Variants in NEURL1 observed in about 807,000 individuals in gnomAD.
The protein encoded by NEURL1 is neuralized E3 ubiquitin protein ligase 1, also known as E3 ubiquitin-protein ligase NEURL1.
NEURL1 carries 26 observed loss-of-function variants against 41.2 expected under a neutral mutation model. The observed-to-expected ratio is 0.63, with a 90% confidence interval of 0.46 to 0.87. NEURL1 has a LOEUF of 0.87. Ranked by LOEUF, NEURL1 falls within the 40% of genes least tolerant of loss-of-function variation. The pLI is 0.00. For missense variants in NEURL1, 761 were observed against 871.1 expected, an observed-to-expected ratio of 0.87 and a Z score of 1.59; for synonymous variants, 400 against 402.3, an observed-to-expected ratio of 0.99 and a Z score of 0.07.
At position 103,591,824 on chromosome 10, in the gene NEURL1, C is replaced by G. The variant is rs1417701797; in HGVS notation, c.*1452C>G. On this transcript the variant is annotated 3_prime_UTR_variant, in exon 6 of 6. Coordinates refer to ENST00000369780, the MANE Select transcript of NEURL1 (RefSeq NM_004210.5). ...TCAAACTTCCAGGAGGGCCAGTGTT[C>G]CTAGTGTGGGCCAGGAACAGGACAG... is the stretch of plus-strand genomic sequence containing the variant. The G allele has an allele frequency of 6.6e-6, 1 of 152,292 alleles. No individual in the cohort carries two copies. Among genetic ancestry groups the G allele is most frequent in the Non-Finnish European group, 1.5e-5 (1 of 68,104 alleles). 9.4% of individuals were successfully genotyped at this position (152,292 alleles called of 1,614,324 possible). A position where few individuals can be genotyped will look rare whatever the true frequency, so the allele number is the denominator to read the frequency against.
At chr10:103,584,424 G>T (rs1276857524) in intron 3 of NEURL1, 112 bp from the exon 4 acceptor site, 1 of 568,338 alleles carries the variant, frequency 1.8e-6, no homozygotes, top group East Asian at 3.6e-5. Context: ...CATCGTGTGC[G>T]CCATTAGCCA....
At chr10:103,536,357 A>G (rs1384776107) in intron 1 of NEURL1, among the ~76,000 whole-genome samples, 1 of 152,106 alleles carries the variant, frequency 6.6e-6, no homozygotes, top group East Asian at 1.9e-4. Context: ...CAGCCTGGCC[A>G]ACATGGTGAA....
intron 1 of NEURL1, among the ~76,000 whole-genome samples, chr10:103,515,866 A>C (rs539297709): frequency 1.3e-5 from 2 of 152,276 alleles, no homozygotes; most frequent in South Asian, 4.1e-4. Context: ...TGTCTAGGGG[A>C]GGGATGCTGA....
chr10:103,589,671 T>G lies in NEURL1; in HGVS notation c.1486+11T>G. ...GTAGCTCTGCTGGTGGTAAGTAGGC[T>G]GGCTCCTCTGTTCCTTGGTGACCAT... is the stretch of plus-strand genomic sequence containing the variant. On this transcript the variant is annotated intron_variant, in intron 5 of 5. Coordinates refer to ENST00000369780, the MANE Select transcript of NEURL1 (RefSeq NM_004210.5). 1 of 1,603,980 alleles carries G rather than the reference T, an allele frequency of 6.2e-7. No homozygotes were observed. Among genetic ancestry groups the G allele is most frequent in the Non-Finnish European group, 8.5e-7 (1 of 1,173,744 alleles).
At chr10:103,578,998 C>T (rs552269271) in intron 3 of NEURL1, among the ~76,000 whole-genome samples, 5 of 152,342 alleles carry the variant, frequency 3.3e-5, no homozygotes, top group East Asian at 3.9e-4. Context: ...GCCAGTGCTC[C>T]GGATGTGAGA....
At chr10:103,580,131 G>T (rs1220352592) in intron 3 of NEURL1, among the ~76,000 whole-genome samples, 2 of 151,944 alleles carry the variant, frequency 1.3e-5, no homozygotes, top group African/African-American at 4.8e-5. Flanking sequence ...CACATGGCCG[G>T]GACCTCCCTG....
chr10:103,574,075 GGGTA>G (rs1416739379), intron 3 of NEURL1, among the ~76,000 whole-genome samples: 4 of 152,334 alleles, frequency 2.6e-5, no homozygotes, highest in African/African-American at 9.6e-5. Flanking sequence ...AATATTTGCA[GGGTA>G]GGTAGGGGAG....
chr10:103,566,260 T>C lies in NEURL1; in HGVS notation c.86-4612T>C, dbSNP rs2035421604. Among the ~76,000 whole-genome samples the C allele has an allele frequency of 6.6e-6, 1 of 152,126 alleles. No individual in the cohort carries two copies. Among genetic ancestry groups the C allele is most frequent in the African/African-American group, 2.4e-5 (1 of 41,430 alleles). On this transcript the variant is annotated intron_variant, in intron 1 of 5. Coordinates refer to ENST00000369780, the MANE Select transcript of NEURL1 (RefSeq NM_004210.5). This position sits in a 1 kb window ranked among gnomAD's most constrained non-coding sequence, Gnocchi z 4.2. The stretch of plus-strand genomic sequence containing the variant: ...GCGAGACACCATGCCTGGCTAATTT[T>C]TTATTTTTATCTGTACAACGAGATG...
chr10:103,521,445 G>A (rs536617359), intron 1 of NEURL1, among the ~76,000 whole-genome samples: 65 of 152,282 alleles, frequency 4.3e-4, no homozygotes, highest in East Asian at 9.6e-4. Flanking sequence ...AGTCCTGGGC[G>A]GGGGCAAATC....
chr10:103,536,419 C>T (rs2133861852), intron 1 of NEURL1, among the ~76,000 whole-genome samples: 1 of 152,196 alleles, frequency 6.6e-6, no homozygotes, highest in Non-Finnish European at 1.5e-5. Flanking sequence ...GGGTGGGCAC[C>T]TGTAGTTCCA....
chr10:103,573,372 C>T (rs1224885290), intron 3 of NEURL1, among the ~76,000 whole-genome samples: 4 of 152,100 alleles, frequency 2.6e-5, no homozygotes, highest in South Asian at 2.1e-4. Context: ...CCTAGCCTCA[C>T]GCTGTACTAG....
At chr10:103,547,942 G>A (rs1163708347) in intron 1 of NEURL1, among the ~76,000 whole-genome samples, 1 of 152,014 alleles carries the variant, frequency 6.6e-6, no homozygotes, top group African/African-American at 2.4e-5. Flanking sequence ...TCATTTCTCT[G>A]CGTCTCTTCT....
At position 103,558,139 on chromosome 10, in the gene NEURL1, A is replaced by G. The variant is rs530468089; in HGVS notation, c.86-12733A>G. On this transcript the variant is annotated intron_variant, in intron 1 of 5. Transcript: ENST00000369780. This position sits in a 1 kb window ranked among gnomAD's most constrained non-coding sequence, Gnocchi z 4.2. ...GTGATCCACCTGTGTCGGCCTCCCAAAGTGCTGGGTTTACAGGTGTGAGCC... is the reference window on the plus strand; with the variant it reads ...GTGATCCACCTGTGTCGGCCTCCCAGAGTGCTGGGTTTACAGGTGTGAGCC... The G allele has an allele frequency of 2.0e-6, 2 of 976,928 alleles. No homozygotes were observed. Among genetic ancestry groups the G allele is most frequent in the East Asian group, 2.3e-4 (2 of 8,762 alleles). 60.5% of individuals were successfully genotyped at this position (976,928 alleles called of 1,614,324 possible).
At chr10:103,544,451 C>A (rs182696142) in intron 1 of NEURL1, among the ~76,000 whole-genome samples, 3 of 152,138 alleles carry the variant, frequency 2.0e-5, no homozygotes, top group African/African-American at 7.2e-5. Context: ...TTGCCTCCCC[C>A]CAAATGATCC....
At chr10:103,580,757 C>T (rs999293847) in intron 3 of NEURL1, among the ~76,000 whole-genome samples, 11 of 152,130 alleles carry the variant, frequency 7.2e-5, no homozygotes, top group African/African-American at 2.4e-4. Context: ...GGATTCGTTC[C>T]GTTTTTAGCT....
intron 3 of NEURL1, among the ~76,000 whole-genome samples, chr10:103,580,130 G>C (rs968232690): frequency 6.6e-6 from 1 of 151,954 alleles, no homozygotes; most frequent in East Asian, 1.9e-4. Context: ...ACACATGGCC[G>C]GGACCTCCCT....
At chr10:103,533,454 C>T (rs2034616795) in intron 1 of NEURL1, among the ~76,000 whole-genome samples, 1 of 151,748 alleles carries the variant, frequency 6.6e-6, no homozygotes, top group Non-Finnish European at 1.5e-5. Context: ...ACTGCAACCT[C>T]TGCCTCCTAG....
intron 1 of NEURL1, among the ~76,000 whole-genome samples, chr10:103,565,982 T>C (rs937917258): frequency 1.3e-5 from 2 of 152,208 alleles, no homozygotes; most frequent in Non-Finnish European, 2.9e-5. Flanking sequence ...AGGTATAATA[T>C]GTATATAGTA....
chr10:103,588,289 G>A (rs1159991291), intron 4 of NEURL1, among the ~76,000 whole-genome samples: 1 of 141,696 alleles, frequency 7.1e-6, no homozygotes, highest in Non-Finnish European at 1.5e-5. Flanking sequence ...CTGGGCGACA[G>A]AGCAAGACTC....
Sources: gnomAD v4.1 joint callset for allele counts (sites outside exome capture counted in the v4.1 genomes callset) on GRCh38, gnomAD v4.1.1 for gene constraint, Gnocchi (gnomAD v3.1) non-coding constraint, MANE v1.5 for transcripts, NCBI Gene and HGNC (gene_info 2026-07-23, HGNC 2026-07-21) for gene names.